Variants in ACAD9 observed in about 807,000 individuals in gnomAD.
ACAD9 encodes the protein acyl-CoA dehydrogenase family member 9.
A neutral mutation model predicts 70.2 loss-of-function variants in ACAD9; 53 were observed. That is an observed-to-expected ratio of 0.75 (90% CI 0.61 to 0.95). The LOEUF is 0.95. Among genes scored for constraint, ACAD9 ranks in the 40% least tolerant of loss-of-function variants. The probability of loss-of-function intolerance (pLI) is 0.00; values close to 1 mark genes in which losing one functional copy is unlikely to be tolerated. For missense variants in ACAD9, 777 were observed against 802.8 expected (o/e 0.97, Z 0.39); for synonymous variants, 313 against 312.1 (o/e 1.00, Z -0.03).
Position 128,904,272 on chromosome 3 carries a change from G to A in ACAD9, c.1030-114G>A, listed in dbSNP as rs180960838. 35 of 1,597,194 alleles carry A rather than the reference G, an allele frequency of 2.2e-5. No homozygotes were observed. In the East Asian group the frequency reaches 7.6e-4, roughly 35 times the overall value. On this transcript the variant is annotated intron_variant, in intron 10 of 17. Transcript: ENST00000308982. Reference sequence around the variant, plus strand: ...AGGCTTTATTTGACACGGGTCACTGGGCTTGCTTCTCTTGGGCATTGAGGC... The same window carrying A: ...AGGCTTTATTTGACACGGGTCACTGAGCTTGCTTCTCTTGGGCATTGAGGC...
At position 128,893,773 on chromosome 3, in the gene ACAD9, A is replaced by AG. The variant is rs1935489414; in HGVS notation, c.346+121dup. On this transcript the variant is annotated intron_variant, in intron 3 of 17. Coordinates refer to ENST00000308982, the MANE Select transcript of ACAD9 (RefSeq NM_014049.5). The stretch of plus-strand genomic sequence containing the variant: ...CACCATCCGTGGTGGGCTACTTGGT[A>AG]GGGGTGGACTGACTGAAGGACCTGT... 3 of 853,916 alleles carry AG rather than the reference A, an allele frequency of 3.5e-6. No individual in the cohort carries two copies. In the African/African-American group the frequency reaches 5.0e-5, roughly 14 times the overall value. The allele number at this position is 853,916 out of a possible 1,614,324, so 52.9% of individuals were successfully genotyped here.
intron 16 of ACAD9, 45 bp downstream of exon 16, chr3:128,910,194 G>C: frequency 6.2e-7 from 1 of 1,612,838 alleles, no homozygotes; most frequent in Non-Finnish European, 8.5e-7. Flanking sequence ...GCTGCCATCT[G>C]TCCTGCTGCA....
chr3:128,891,599 C>T (rs552375821), intron 2 of ACAD9, among the ~76,000 whole-genome samples: 5 of 152,186 alleles, frequency 3.3e-5, no homozygotes, highest in East Asian at 1.9e-4. Context: ...CCAGCTTGGG[C>T]GACAGAGCGA....
intron 15 of ACAD9, 161 bp from the exon 16 acceptor site, chr3:128,909,860 C>A: frequency 1.0e-6 from 1 of 981,240 alleles, no homozygotes; most frequent in Non-Finnish European, 1.6e-6. Flanking sequence ...CAGAAGGTGG[C>A]TGGGAGCCGT....
rs1379905698 is a variant in ACAD9, at chr3:128,909,074, A to G, written c.1460A>G (p.His487Arg). Residue 487 changes from histidine to arginine, a missense_variant, in exon 14 of 18, where the codon CAT becomes CGT. Transcript: ENST00000308982. ...RTVDLGLTGN[H>R]GVVHPSLADS... ...GTGGACCTGGGGCTGACAGGCAACC[A>G]TGGAGTTGTGCACCCCAGTCTTGCG... 1.2e-6 allele frequency: 2 copies of G among 1,614,064 alleles called. No homozygotes were observed. Among genetic ancestry groups the G allele is most frequent in the Non-Finnish European group, 1.7e-6 (2 of 1,180,004 alleles).
At chr3:128,893,846 G>A (rs2107648967) in intron 3 of ACAD9, among the ~76,000 whole-genome samples, 190 bp downstream of exon 3, 1 of 152,342 alleles carries the variant, frequency 6.6e-6, no homozygotes, top group East Asian at 1.9e-4. Context: ...TAGCACAGAG[G>A]AATGAGGCAT....
At chr3:128,911,035 ATG>A (rs375679286) in intron 17 of ACAD9, among the ~76,000 whole-genome samples, 3 of 151,968 alleles carry the variant, frequency 2.0e-5, no homozygotes, top group African/African-American at 7.3e-5. Flanking sequence ...GTATGTATAT[ATG>A]TGTGTGTGTG....
chr3:128,890,231 C>T (rs1425968290), intron 2 of ACAD9, among the ~76,000 whole-genome samples: 5 of 151,984 alleles, frequency 3.3e-5, no homozygotes, highest in African/African-American at 9.7e-5. Flanking sequence ...ATTATAGGTG[C>T]GTGCCACCAC....
At position 128,900,413 on chromosome 3, in the gene ACAD9, A is replaced by G. The variant is rs139386953; in HGVS notation, c.809-863A>G. On this transcript the variant is annotated intron_variant, in intron 7 of 17. Transcript: ENST00000308982. ...CCACCACGTCCGGCTAATTTTTTCT[A>G]TTTTTTAGTGGAGATGGGGTTTCAC... 4.6e-3 allele frequency among the ~76,000 whole-genome samples: 697 copies of G among 150,034 alleles called. 1 individual carries two copies. The highest frequency in any genetic ancestry group is 6.9e-3 in the Non-Finnish European group (468 of 67,644).
intron 11 of ACAD9, 96 bp from the exon 12 acceptor site, chr3:128,906,025 T>C: frequency 6.4e-7 from 1 of 1,570,280 alleles, no homozygotes; most frequent in Non-Finnish European, 8.7e-7. Flanking sequence ...GCCGATCTCC[T>C]CCCCAAGCCC....
chr3:128,896,309 GCT>G, intron 4 of ACAD9, 125 bp from the exon 5 acceptor site: 1 of 1,044,882 alleles, frequency 9.6e-7, no homozygotes, highest in South Asian at 1.4e-5. Context: ...GTGGCCGCTT[GCT>G]CTGAGTTCTT....
chr3:128,903,619 A>G, intron 9 of ACAD9, among the ~76,000 whole-genome samples: 1 of 152,170 alleles, frequency 6.6e-6, no homozygotes, highest in Non-Finnish European at 1.5e-5. Context: ...CAGCCTGAGT[A>G]TTCAAGCCAG....
At chr3:128,908,413 T>C in intron 13 of ACAD9, 149 bp downstream of exon 13, 1 of 939,502 alleles carries the variant, frequency 1.1e-6, no homozygotes, top group Non-Finnish European at 1.7e-6. Context: ...TCCCCTGTGG[T>C]AGTGGGGGGC....
chr3:128,884,299 C>T (rs1445436850), intron 1 of ACAD9, among the ~76,000 whole-genome samples: 1 of 152,144 alleles, frequency 6.6e-6, no homozygotes, highest in Non-Finnish European at 1.5e-5. Context: ...TGGTGAAGGC[C>T]ACATAATGAG....
At chr3:128,887,638 T>A (rs868686902) in intron 2 of ACAD9, among the ~76,000 whole-genome samples, 1,620 of 92,252 alleles carry the variant, frequency 0.018, 23 homozygotes, top group African/African-American at 0.1. Context: ...AATAAAAAAA[T>A]AAATAAATAT....
chr3:128,880,347 T>C (rs1253134535), intron 1 of ACAD9, among the ~76,000 whole-genome samples: 1 of 152,232 alleles, frequency 6.6e-6, no homozygotes, highest in African/African-American at 2.4e-5. Context: ...AGTTTGGTTA[T>C]AAAACACTCA....
At chr3:128,907,664 G>C (rs193197402) in intron 12 of ACAD9, among the ~76,000 whole-genome samples, 1 of 152,364 alleles carries the variant, frequency 6.6e-6, no homozygotes, top group African/African-American at 2.4e-5. Context: ...CCATTGTGCA[G>C]AGTGGGCAGA....
intron 15 of ACAD9, 69 bp from the exon 16 acceptor site, chr3:128,909,952 C>T (rs2044268375): frequency 6.3e-7 from 1 of 1,592,468 alleles, no homozygotes; most frequent in Non-Finnish European, 8.5e-7. Flanking sequence ...AAAGATGCAG[C>T]CCAGGGAGGG....
At chr3:128,909,994 C>T in intron 15 of ACAD9, 27 bp from the exon 16 acceptor site, 1 of 1,611,640 alleles carries the variant, frequency 6.2e-7, no homozygotes, top group Non-Finnish European at 8.5e-7. Flanking sequence ...GGTAGTGAGT[C>T]CCCACTTGGA....
Sources: allele counts gnomAD v4.1 joint callset (sites outside exome capture counted in the v4.1 genomes callset), GRCh38; gene constraint gnomAD v4.1.1; transcripts MANE v1.5; gene names NCBI Gene and HGNC (gene_info 2026-07-23, HGNC 2026-07-21).